Variants in MAML3 observed in about 807,000 individuals in gnomAD.
MAML3 encodes the protein mastermind like transcriptional coactivator 3.
A neutral mutation model predicts 101.9 loss-of-function variants in MAML3; 27 were observed. The observed-to-expected ratio is 0.27, with a 90% confidence interval of 0.20 to 0.37. The LOEUF (loss-of-function observed/expected upper bound fraction) is 0.37, where lower values mean the gene tolerates loss of function less well. Ranked by LOEUF, MAML3 falls within the 10% of genes least tolerant of loss-of-function variation. The pLI, the probability that MAML3 is intolerant of heterozygous loss-of-function variation, is 1.00. For synonymous variants in MAML3, 501 were observed against 555.9 expected (o/e 0.90, Z 1.39); for missense variants, 1,316 against 1,444.9 (o/e 0.91, Z 1.45).
chr4:140,131,064 A>C (rs753431738), intron 1 of MAML3, among the ~76,000 whole-genome samples: 5 of 152,052 alleles, frequency 3.3e-5, no homozygotes, highest in Non-Finnish European at 5.9e-5. Context: ...GCATGCACAT[A>C]CACATTCAAT....
intron 2 of MAML3, among the ~76,000 whole-genome samples, chr4:139,775,227 A>C (rs990340715): frequency 2.0e-5 from 3 of 151,418 alleles, no homozygotes; most frequent in African/African-American, 7.2e-5. Context: ...CCTTGACTGC[A>C]GTTACTCACA....
intron 2 of MAML3, among the ~76,000 whole-genome samples, chr4:139,885,375 C>T (rs1411387624): frequency 6.6e-6 from 1 of 151,958 alleles, no homozygotes. Context: ...CACTACACTC[C>T]AGTCTGGGCA....
chr4:139,759,969 C>T (rs948007711), intron 2 of MAML3, among the ~76,000 whole-genome samples: 2 of 152,220 alleles, frequency 1.3e-5, no homozygotes, highest in Non-Finnish European at 2.9e-5. Context: ...CTGCTGTTAA[C>T]TGATTATAGT....
chr4:139,743,134 A>G (rs956521492), intron 2 of MAML3, among the ~76,000 whole-genome samples: 1 of 152,154 alleles, frequency 6.6e-6, no homozygotes, highest in Non-Finnish European at 1.5e-5. Flanking sequence ...AGGCTGCTTT[A>G]CAGCATAACC....
intron 1 of MAML3, among the ~76,000 whole-genome samples, chr4:139,975,487 C>T (rs1031475872): frequency 1.3e-4 from 20 of 152,206 alleles, no homozygotes; most frequent in African/African-American, 4.6e-4. Context: ...TATCTCCCTT[C>T]CCTGCTCTAC....
chr4:139,998,660 G>C (rs1734865392), intron 1 of MAML3, among the ~76,000 whole-genome samples: 1 of 152,072 alleles, frequency 6.6e-6, no homozygotes, highest in African/African-American at 2.4e-5. Context: ...CATAATATTT[G>C]TTGAAAATGG....
At chr4:139,764,861 GCT>G (rs767067429) in intron 2 of MAML3, among the ~76,000 whole-genome samples, 29 of 152,216 alleles carry the variant, frequency 1.9e-4, no homozygotes, top group Non-Finnish European at 4.1e-4. Context: ...GCTTGGCATG[GCT>G]CACTGCCGGC....
At chr4:140,136,856 G>A (rs1404448789) in intron 1 of MAML3, among the ~76,000 whole-genome samples, 1 of 150,138 alleles carries the variant, frequency 6.7e-6, no homozygotes, top group Non-Finnish European at 1.5e-5. Context: ...AGAGGTTAAA[G>A]TTAAAGGGCT....
chr4:139,720,222 G>A lies in MAML3; in HGVS notation c.2518C>T (p.Pro840Ser). The change falls in exon 5 of 5, where the codon CCC (proline) becomes TCC (serine). Residue 840 changes from proline to serine, a missense_variant. By Grantham distance (74) the Pro-to-Ser change is moderately conservative. Coordinates refer to ENST00000509479, the MANE Select transcript of MAML3 (RefSeq NM_018717.5). ...GCCATCGTCCCAGGGTTCTGGGAGGGTCCTATTCCCATCATGCCTGCGTTC... is the reference window on the plus strand; with the variant it reads ...GCCATCGTCCCAGGGTTCTGGGAGGATCCTATTCCCATCATGCCTGCGTTC... Reference protein sequence around the residue: ...AQNAGMMGIGPSQNPGTMATA... With the variant: ...AQNAGMMGIGSSQNPGTMATA... 6.2e-7 allele frequency: 1 copy of A among 1,612,728 alleles called. No individual in the cohort carries two copies. Among genetic ancestry groups the A allele is most frequent in the South Asian group, 1.1e-5 (1 of 90,984 alleles).
intron 2 of MAML3, among the ~76,000 whole-genome samples, chr4:139,801,256 T>C (rs1730599545): frequency 6.6e-6 from 1 of 152,248 alleles, no homozygotes; most frequent in Non-Finnish European, 1.5e-5. Context: ...CCCAGTTAAA[T>C]GTGAATTTCA....
At chr4:139,896,469 T>G (rs1560829133) in intron 1 of MAML3, among the ~76,000 whole-genome samples, 2 of 152,232 alleles carry the variant, frequency 1.3e-5, no homozygotes, top group Admixed American at 1.3e-4. Context: ...AGCTGAAGTA[T>G]GCTGTTCATC....
At chr4:139,789,770 TTTTG>T (rs1035658702) in intron 2 of MAML3, among the ~76,000 whole-genome samples, 2 of 152,112 alleles carry the variant, frequency 1.3e-5, no homozygotes, top group Non-Finnish European at 2.9e-5. Context: ...AAAAGTTGTT[TTTTG>T]TTTGTTTGTT....
At chr4:139,859,223 C>T (rs1327821143) in intron 2 of MAML3, among the ~76,000 whole-genome samples, 1 of 141,462 alleles carries the variant, frequency 7.1e-6, no homozygotes, top group Non-Finnish European at 1.5e-5. Flanking sequence ...AGAGGTTCTA[C>T]TACATTTTTT....
intron 1 of MAML3, among the ~76,000 whole-genome samples, chr4:140,005,952 T>G (rs1726435395): frequency 6.6e-6 from 1 of 152,122 alleles, no homozygotes; most frequent in African/African-American, 2.4e-5. Context: ...TAATTCAACC[T>G]CAAGACATCT....
rs191558574 is a variant in MAML3, at chr4:139,890,309, G to T, written c.1127C>A (p.Ala376Glu). 2.5e-6 allele frequency: 4 copies of T among 1,613,276 alleles called. No individual in the cohort carries two copies. The highest frequency in any genetic ancestry group is 2.2e-5 in the East Asian group (1 of 44,878). ...GGGAGGACCAGAAGAAGAAGGCCTC[G>T]CCTGGGGAGATCCCATGGAGACATG... Reference protein sequence around the residue: ...FAHVSMGSPQARPSSSGPPFS... With the variant: ...FAHVSMGSPQERPSSSGPPFS... The change falls in exon 2 of 5, where the codon GCG becomes GAG. Residue 376 changes from alanine to glutamate, a missense_variant. Coordinates refer to ENST00000509479, the MANE Select transcript of MAML3 (RefSeq NM_018717.5). The surrounding 1 kb of genome is among the most constrained non-coding windows in gnomAD (Gnocchi z 4.1).
At chr4:139,792,287 A>G (rs146163739) in intron 2 of MAML3, among the ~76,000 whole-genome samples, 5 of 152,296 alleles carry the variant, frequency 3.3e-5, no homozygotes, top group African/African-American at 1.2e-4. Flanking sequence ...TTCCTCCTAT[A>G]ACAATGAGCA....
chr4:139,767,871 G>A (rs1216817867), intron 2 of MAML3, among the ~76,000 whole-genome samples: 2 of 152,206 alleles, frequency 1.3e-5, no homozygotes, highest in Non-Finnish European at 2.9e-5. Flanking sequence ...TGACCACTTG[G>A]TTCCTCCTTG....
intron 2 of MAML3, among the ~76,000 whole-genome samples, chr4:139,752,448 C>G (rs1660855965): frequency 6.6e-6 from 1 of 152,166 alleles, no homozygotes; most frequent in Non-Finnish European, 1.5e-5. Flanking sequence ...TAGCCTGGCT[C>G]TCTCTGTGCT....
intron 2 of MAML3, among the ~76,000 whole-genome samples, chr4:139,742,241 CG>C (rs1460844817): frequency 2.6e-5 from 4 of 151,792 alleles, no homozygotes; most frequent in African/African-American, 9.7e-5. Flanking sequence ...CTCCGCCTCC[CG>C]GGCTCAAGCA....
Sources: gnomAD v4.1 joint callset for allele counts (sites outside exome capture counted in the v4.1 genomes callset) on GRCh38, gnomAD v4.1.1 for gene constraint, Gnocchi (gnomAD v3.1) non-coding constraint, MANE v1.5 for transcripts, NCBI Gene and HGNC (gene_info 2026-07-23, HGNC 2026-07-21) for gene names.